The following MARCHF1 variants were observed in gnomAD, a reference collection of about 807,000 sequenced individuals.
MARCHF1 encodes membrane associated ring-CH-type finger 1.
In MARCHF1, 40 loss-of-function variants were observed where a neutral mutation model predicts 54.2. The observed-to-expected ratio is 0.74, with a 90% CI of 0.57 to 0.96. The LOEUF is 0.96. Ranked by LOEUF, MARCHF1 falls within the 40% of genes least tolerant of loss-of-function variation. The probability of loss-of-function intolerance (pLI) is 0.00; values close to 1 mark genes in which losing one functional copy is unlikely to be tolerated. For synonymous variants in MARCHF1, 236 were observed against 236.3 expected (o/e 1.00, Z 0.01); for missense variants, 586 against 656.5 (o/e 0.89, Z 1.17).
intron 1 of MARCHF1, among the ~76,000 whole-genome samples, chr4:164,294,713 C>T (rs903324236): frequency 1.3e-5 from 2 of 152,110 alleles, no homozygotes; most frequent in African/African-American, 4.8e-5. Context: ...TTAACATGCA[C>T]AGCACTGTCT....
At chr4:164,336,724 T>G (rs1050886437) in intron 1 of MARCHF1, among the ~76,000 whole-genome samples, 1 of 152,196 alleles carries the variant, frequency 6.6e-6, no homozygotes, top group Non-Finnish European at 1.5e-5. Context: ...TACTACCAGG[T>G]TGTAAATCCT....
At chr4:164,278,161 T>A (rs1187411864) in intron 1 of MARCHF1, among the ~76,000 whole-genome samples, 2 of 152,084 alleles carry the variant, frequency 1.3e-5, no homozygotes. Flanking sequence ...AATACAAAAA[T>A]TAGCCAAGTT....
At chr4:164,053,866 C>A (rs1328495435) in intron 2 of MARCHF1, among the ~76,000 whole-genome samples, 4 of 152,094 alleles carry the variant, frequency 2.6e-5, no homozygotes, top group Admixed American at 6.6e-5. Flanking sequence ...TAGGCATGGG[C>A]AAGGACTTCA....
At chr4:163,879,098 A>G (rs955564969) in intron 3 of MARCHF1, among the ~76,000 whole-genome samples, 2 of 152,236 alleles carry the variant, frequency 1.3e-5, no homozygotes, top group Non-Finnish European at 2.9e-5. Context: ...TTTAGAAGGA[A>G]AACTCATCTT....
chr4:164,090,747 C>T (rs1313183871), intron 2 of MARCHF1, among the ~76,000 whole-genome samples: 2 of 151,988 alleles, frequency 1.3e-5, no homozygotes, highest in Non-Finnish European at 2.9e-5. Context: ...CATTAATAGG[C>T]ACTCAAGCAG....
rs141424777 is a variant in MARCHF1 at position 164,274,217 on chromosome 4, G to A, written c.-323+109653C>T. On this transcript the variant is annotated intron_variant, in intron 1 of 9. Coordinates refer to ENST00000514618, the MANE Select transcript of MARCHF1 (RefSeq NM_001394959.1). ...CTACGTAAAAGTTTTCCTTGTTGGC[G>A]AGTAAGTGGATAGAAAATCGTATTT... Among the ~76,000 whole-genome samples, 749 of 152,292 alleles carry A rather than the reference G, an allele frequency of 4.9e-3. 6 individuals are homozygous for A. The highest frequency in any genetic ancestry group is 0.024 in the Middle Eastern group (7 of 294).
intron 2 of MARCHF1, among the ~76,000 whole-genome samples, chr4:164,006,990 GAAAAAAAAAAAAAAAAAAAAAAAAAAAA>G (rs57195057): frequency 6.0e-3 from 138 of 23,190 alleles, no homozygotes; most frequent in African/African-American, 0.015. Flanking sequence ...TCTGAAATCT[GAAAAAAAAAAAAAAAAAAAAAAAAAAAA>G]AAAAAAAAAA....
chr4:164,276,965 GAGAC>G lies in MARCHF1; in HGVS notation c.-323+106901_-323+106904del, dbSNP rs200155614. On this transcript the variant is annotated intron_variant, in intron 1 of 9. Coordinates refer to ENST00000514618, the MANE Select transcript of MARCHF1 (RefSeq NM_001394959.1). ...ATATATATAGAGAGAGAGAGAGAGA[GAGAC>G]AGAGAGAGAGAGAAAATATATGAGG... Among the ~76,000 whole-genome samples, 294 of 132,844 alleles carry G rather than the reference GAGAC, an allele frequency of 2.2e-3. 2 individuals are homozygous for G. The highest frequency in any genetic ancestry group is 4.2e-3 in the Middle Eastern group (1 of 240). 87.2% of individuals were successfully genotyped at this position (132,844 alleles called of 152,430 possible).
intron 3 of MARCHF1, among the ~76,000 whole-genome samples, chr4:163,986,249 C>CTTTTTTTTTTTTTTTTGTTTTTTTT (rs1752865106): frequency 3.5e-5 from 1 of 28,830 alleles, no homozygotes; most frequent in African/African-American, 9.9e-5. Context: ...TTAACCTCTT[C>CTTTTTTTTTTTTTTTTGTTTTTTTT]TTTTTTTTTT....
intron 1 of MARCHF1, among the ~76,000 whole-genome samples, chr4:164,349,487 C>CT (rs1215834325): frequency 6.6e-6 from 1 of 152,092 alleles, no homozygotes; most frequent in Non-Finnish European, 1.5e-5. Flanking sequence ...ATAAGAAAGG[C>CT]TGGTGGTACT....
intron 9 of MARCHF1, chr4:163,530,089 C>CCTAT (rs1292240881): frequency 5.3e-5 from 8 of 151,906 alleles, no homozygotes; most frequent in African/African-American, 1.9e-4. Context: ...TAAGAAATAT[C>CCTAT]CTATCTATAT....
chr4:163,898,060 CAAAAA>C lies in MARCHF1; in HGVS notation c.-38-43896_-38-43892del, dbSNP rs70948673. 2.5e-3 allele frequency among the ~76,000 whole-genome samples: 206 copies of C among 81,852 alleles called. 1 individual carries two copies. In the East Asian group the frequency reaches 0.038, roughly 15 times the overall value. The allele number at this position is 81,852 out of a possible 152,430, so 53.7% of individuals were successfully genotyped here. The stretch of plus-strand genomic sequence containing the variant: ...TGGGTGACAGAGTGAGACTCCGTCT[CAAAAA>C]AAAAAAAAAAAAAAAAAAAATCCTT... On this transcript the variant is annotated intron_variant, in intron 3 of 9. Coordinates refer to ENST00000514618, the MANE Select transcript of MARCHF1 (RefSeq NM_001394959.1).
chr4:164,183,608 G>C (rs1416482672), intron 1 of MARCHF1, among the ~76,000 whole-genome samples: 1 of 152,080 alleles, frequency 6.6e-6, no homozygotes, highest in African/African-American at 2.4e-5. Context: ...TTGTTGCTTT[G>C]TTTAAATGTA....
At chr4:163,964,114 C>T (rs1184864658) in intron 3 of MARCHF1, among the ~76,000 whole-genome samples, 2 of 152,008 alleles carry the variant, frequency 1.3e-5, no homozygotes, top group African/African-American at 4.8e-5. Flanking sequence ...TTCACAATCA[C>T]CTGCACCGGT....
At chr4:163,990,171 T>A (rs564954062) in intron 2 of MARCHF1, among the ~76,000 whole-genome samples, 65 of 152,320 alleles carry the variant, frequency 4.3e-4, no homozygotes, top group Non-Finnish European at 7.8e-4. Context: ...AACATTTCAA[T>A]GTATTTACAA....
intron 3 of MARCHF1, among the ~76,000 whole-genome samples, chr4:163,955,691 C>G (rs550906883): frequency 6.6e-6 from 1 of 152,128 alleles, no homozygotes; most frequent in Non-Finnish European, 1.5e-5. Flanking sequence ...CCTGTTACAG[C>G]ACTTATGTCA....
At chr4:164,342,539 A>AAT (rs1561009941) in intron 1 of MARCHF1, among the ~76,000 whole-genome samples, 17 of 121,306 alleles carry the variant, frequency 1.4e-4, no homozygotes, top group African/African-American at 2.6e-4. Flanking sequence ...ATAATAATAA[A>AAT]AAAATATTTA....
intron 2 of MARCHF1, among the ~76,000 whole-genome samples, chr4:164,050,208 G>C (rs892250108): frequency 6.8e-6 from 1 of 147,554 alleles, no homozygotes; most frequent in Non-Finnish European, 1.5e-5. Context: ...CCAGGAGGTG[G>C]AGGTTGCAGT....
intron 1 of MARCHF1, among the ~76,000 whole-genome samples, chr4:164,338,842 C>T (rs1047983841): frequency 3.9e-5 from 6 of 152,058 alleles, no homozygotes; most frequent in African/African-American, 1.2e-4. Context: ...CTTGGTGGTA[C>T]GTGCCTGTAA....
Sources: allele counts gnomAD v4.1 joint callset (sites outside exome capture counted in the v4.1 genomes callset), GRCh38; gene constraint gnomAD v4.1.1; transcripts MANE v1.5; gene names NCBI Gene and HGNC (gene_info 2026-07-23, HGNC 2026-07-21).